KCTD8: variants seen among roughly 807,000 people sequenced by gnomAD.
KCTD8 encodes the protein BTB/POZ domain-containing protein KCTD8.
Under a neutral mutation model 31.5 loss-of-function variants are expected in KCTD8, and 27 were observed. The observed-to-expected ratio is 0.86, with a 90% CI of 0.63 to 1.18. KCTD8 has a LOEUF of 1.18. Among genes scored for constraint, KCTD8 ranks in the 50% most tolerant of loss-of-function variants. KCTD8 has a pLI of 0.00. For missense variants in KCTD8, 658 were observed against 647.7 expected, an observed-to-expected ratio of 1.02 and a Z score of -0.17; for synonymous variants, 290 against 280.0, an observed-to-expected ratio of 1.04 and a Z score of -0.36.
chr4:44,333,755 A>G (rs1314973103), intron 1 of KCTD8, among the ~76,000 whole-genome samples: 2 of 152,144 alleles, frequency 1.3e-5, no homozygotes, highest in Non-Finnish European at 2.9e-5. Context: ...CAAGAGTAAT[A>G]TATGAAGATG....
chr4:44,368,110 C>T (rs1238084598), intron 1 of KCTD8, among the ~76,000 whole-genome samples: 1 of 152,108 alleles, frequency 6.6e-6, no homozygotes, highest in African/African-American at 2.4e-5. Context: ...GTTGTGGTGG[C>T]TCATGCCTGT....
intron 1 of KCTD8, among the ~76,000 whole-genome samples, chr4:44,403,972 G>A (rs755946439): frequency 8.6e-5 from 13 of 151,260 alleles, no homozygotes; most frequent in African/African-American, 2.2e-4. Flanking sequence ...AACCACCTTC[G>A]TACTTAATTT....
At chr4:44,348,527 T>C (rs1719097813) in intron 1 of KCTD8, among the ~76,000 whole-genome samples, 3 of 152,318 alleles carry the variant, frequency 2.0e-5, no homozygotes, top group Middle Eastern at 3.4e-3. Flanking sequence ...TGATCAATGA[T>C]ATTCATTCTA....
chr4:44,280,479 G>A (rs547774017), intron 1 of KCTD8, among the ~76,000 whole-genome samples: 15 of 152,120 alleles, frequency 9.9e-5, no homozygotes, highest in Middle Eastern at 6.8e-3. Flanking sequence ...GAACTTCAGG[G>A]ATGGCAATTA....
chr4:44,299,802 T>G (rs2109391255), intron 1 of KCTD8, among the ~76,000 whole-genome samples: 1 of 142,878 alleles, frequency 7.0e-6, no homozygotes, highest in South Asian at 2.3e-4. Flanking sequence ...GGAGTCTCAC[T>G]CTGTCGCCCA....
At chr4:44,203,197 A>G (rs1300750864) in intron 1 of KCTD8, among the ~76,000 whole-genome samples, 1 of 152,190 alleles carries the variant, frequency 6.6e-6, no homozygotes. Flanking sequence ...TCTTAAATAT[A>G]TCTAATTAAA....
At chr4:44,371,820 G>C (rs373795152) in intron 1 of KCTD8, among the ~76,000 whole-genome samples, 84 of 152,064 alleles carry the variant, frequency 5.5e-4, no homozygotes, top group African/African-American at 1.7e-3. Flanking sequence ...TCATTTGTTA[G>C]GTATCCAAAA....
Position 44,176,261 on chromosome 4 carries a change from G to T in KCTD8, c.962-1011C>A, listed in dbSNP as rs912059608. Among the ~76,000 whole-genome samples, 5 of 152,100 alleles carry T rather than the reference G, an allele frequency of 3.3e-5. No homozygotes were observed. In the East Asian group the frequency reaches 9.6e-4, roughly 29 times the overall value. Reference sequence around the variant, plus strand: ...CAGTGTTTTTAAACAATTGCCCAGGGGTTCTATTGTGCAGCCAGAGTTGAG... The same window carrying T: ...CAGTGTTTTTAAACAATTGCCCAGGTGTTCTATTGTGCAGCCAGAGTTGAG... On this transcript the variant is annotated intron_variant, in intron 1 of 1. Transcript: ENST00000360029.
chr4:44,287,584 T>A (rs1156860469), intron 1 of KCTD8, among the ~76,000 whole-genome samples: 1 of 152,180 alleles, frequency 6.6e-6, no homozygotes, highest in African/African-American at 2.4e-5. Flanking sequence ...CACTCTTCCT[T>A]ACATTAGGCC....
chr4:44,175,091 G>A lies in KCTD8; in HGVS notation c.1121C>T (p.Ser374Phe). Residue 374 changes from serine (S) to phenylalanine (F), a missense_variant, in exon 2 of 2, where the codon TCC becomes TTC. By Grantham distance (155) the Ser-to-Phe change is radical. Coordinates refer to ENST00000360029, the MANE Select transcript of KCTD8 (RefSeq NM_198353.3). ...GTGAGCTGTTGCCTGCTGGGCACTG[G>A]ATGGGTTGTCCTGGGGAGTGCTTGC... The part of the protein sequence containing the change: ...SEASTPQDNP[S>F]SAQQATAHQP... The A allele has an allele frequency of 6.2e-7, 1 of 1,614,066 alleles. No homozygotes were observed. Among genetic ancestry groups the A allele is most frequent in the Non-Finnish European group, 8.5e-7 (1 of 1,179,976 alleles).
At chr4:44,331,827 T>C (rs1718597596) in intron 1 of KCTD8, among the ~76,000 whole-genome samples, 2 of 149,392 alleles carry the variant, frequency 1.3e-5, no homozygotes, top group Admixed American at 6.7e-5. Flanking sequence ...TTCATATATA[T>C]GAAAAAAATA....
chr4:44,184,181 A>T (rs1386559265), intron 1 of KCTD8, among the ~76,000 whole-genome samples: 1 of 152,200 alleles, frequency 6.6e-6, no homozygotes, highest in African/African-American at 2.4e-5. Flanking sequence ...TGAGGGAGCA[A>T]GGAGTAAAAT....
intron 1 of KCTD8, among the ~76,000 whole-genome samples, chr4:44,274,216 G>A (rs1716687054): frequency 6.6e-6 from 1 of 151,814 alleles, no homozygotes; most frequent in African/African-American, 2.4e-5. Context: ...ATAATTTAGG[G>A]AGATTTAACT....
At chr4:44,304,842 G>T (rs1465550434) in intron 1 of KCTD8, among the ~76,000 whole-genome samples, 1 of 151,894 alleles carries the variant, frequency 6.6e-6, no homozygotes, top group Non-Finnish European at 1.5e-5. Context: ...GCATTTGTTG[G>T]CAGGGCATGG....
intron 1 of KCTD8, among the ~76,000 whole-genome samples, chr4:44,281,249 A>C (rs1716896717): frequency 6.6e-6 from 1 of 152,158 alleles, no homozygotes; most frequent in Admixed American, 6.6e-5. Flanking sequence ...AATGCTGATC[A>C]CATTCACATT....
chr4:44,221,980 G>A (rs1475805080), intron 1 of KCTD8, among the ~76,000 whole-genome samples: 1 of 152,180 alleles, frequency 6.6e-6, no homozygotes, highest in Non-Finnish European at 1.5e-5. Flanking sequence ...TTGCTTTCTA[G>A]GGGCAAAGAG....
At chr4:44,311,789 C>A (rs1291046825) in intron 1 of KCTD8, among the ~76,000 whole-genome samples, 2 of 151,292 alleles carry the variant, frequency 1.3e-5, no homozygotes, top group African/African-American at 4.9e-5. Flanking sequence ...TTGATTGGAT[C>A]GAAAAAGCAG....
At chr4:44,258,748 G>A (rs189290512) in intron 1 of KCTD8, among the ~76,000 whole-genome samples, 252 of 151,978 alleles carry the variant, frequency 1.7e-3, no homozygotes, top group African/African-American at 5.5e-3. Context: ...TGATTCTGCA[G>A]AAAGTATTTG....
Position 44,353,175 on chromosome 4 carries a change from G to A in KCTD8, c.961+94388C>T, listed in dbSNP as rs140158592. 3.3e-5 allele frequency among the ~76,000 whole-genome samples: 5 copies of A among 152,168 alleles called. No homozygotes were observed. In the East Asian group the frequency reaches 9.6e-4, roughly 29 times the overall value. ...CTAACCTGCTAGAACTAGGTTTTGT[G>A]TCTTCCAGAATTTCACATAAATGAA... On this transcript the variant is annotated intron_variant, in intron 1 of 1. Coordinates refer to ENST00000360029, the MANE Select transcript of KCTD8 (RefSeq NM_198353.3).
Sources: gnomAD v4.1 joint callset for allele counts (sites outside exome capture counted in the v4.1 genomes callset) on GRCh38, gnomAD v4.1.1 for gene constraint, MANE v1.5 for transcripts, NCBI Gene and HGNC (gene_info 2026-07-23, HGNC 2026-07-21) for gene names.